Variants in ATOSA observed in about 807,000 individuals in gnomAD.
ATOSA encodes the protein atos homolog A.
At chr15:52,674,305 G>A in the ATOSA span, among the ~76,000 whole-genome samples, 1 of 152,092 alleles carries the variant, frequency 6.6e-6, no homozygotes, top group South Asian at 2.1e-4. Flanking sequence ...CCCTCCTCGG[G>A]CTCCCAAAGT....
chr15:52,702,028 A>G, the ATOSA span, among the ~76,000 whole-genome samples: 3 of 152,138 alleles, frequency 2.0e-5, no homozygotes, highest in Non-Finnish European at 4.4e-5. Flanking sequence ...CACATCACTA[A>G]TCAGAGAAAT....
chr15:52,693,861 T>C, the ATOSA span, among the ~76,000 whole-genome samples: 2 of 152,220 alleles, frequency 1.3e-5, no homozygotes, highest in African/African-American at 4.8e-5. Flanking sequence ...GAAAAACCTC[T>C]TCTAGCCTTG....
chr15:52,685,053 T>C, the ATOSA span, among the ~76,000 whole-genome samples: 6 of 152,276 alleles, frequency 3.9e-5, no homozygotes, highest in Non-Finnish European at 5.9e-5. Context: ...ATTTTTAATT[T>C]TTCAAAATGT....
At chr15:52,674,999 C>G in the ATOSA span, among the ~76,000 whole-genome samples, 1 of 152,036 alleles carries the variant, frequency 6.6e-6, no homozygotes, top group East Asian at 1.9e-4. Flanking sequence ...TCCCATTTTA[C>G]AGACAAGGAA....
chr15:52,607,657 C>G, the ATOSA span, among the ~76,000 whole-genome samples: 3 of 152,134 alleles, frequency 2.0e-5, no homozygotes, highest in Admixed American at 6.5e-5. Flanking sequence ...ACCAAGTACC[C>G]TATTAGGTTG....
the ATOSA span, among the ~76,000 whole-genome samples, chr15:52,588,572 G>A: frequency 1.3e-5 from 2 of 152,120 alleles, no homozygotes; most frequent in Non-Finnish European, 2.9e-5. Context: ...CCAAGTAGCT[G>A]GGACTACAGG....
the ATOSA span, among the ~76,000 whole-genome samples, chr15:52,674,623 G>T: frequency 6.6e-6 from 1 of 152,090 alleles, no homozygotes; most frequent in Non-Finnish European, 1.5e-5. Flanking sequence ...GTATCCTTCT[G>T]TAGCTTTTAT....
chr15:52,675,823 G>A, the ATOSA span, among the ~76,000 whole-genome samples: 4 of 151,926 alleles, frequency 2.6e-5, no homozygotes, highest in South Asian at 2.1e-4. Context: ...GGAGAATGGC[G>A]TGAACCCGGG....
chr15:52,631,615 A>G, the ATOSA span, among the ~76,000 whole-genome samples: 6 of 152,200 alleles, frequency 3.9e-5, no homozygotes, highest in African/African-American at 7.2e-5. Flanking sequence ...TCTAGAATGC[A>G]TTTTACATTT....
At chr15:52,652,380 G>C in the ATOSA span, among the ~76,000 whole-genome samples, 1 of 152,184 alleles carries the variant, frequency 6.6e-6, no homozygotes, top group East Asian at 1.9e-4. Flanking sequence ...GTTGTGGAAG[G>C]AATCAGTTAC....
At chr15:52,598,492 T>C in the ATOSA span, 1 of 152,204 alleles carries the variant, frequency 6.6e-6, no homozygotes, top group Non-Finnish European at 1.5e-5. Context: ...TAAACAAGTC[T>C]AATGTGTCAT....
At chr15:52,611,552 T>G in the ATOSA span, 9 of 1,609,640 alleles carry the variant, frequency 5.6e-6, no homozygotes, top group Admixed American at 1.2e-4. Context: ...AAGAACAACT[T>G]TGAACTACGT....
chr15:52,611,301 T>C, the ATOSA span: 8 of 1,597,058 alleles, frequency 5.0e-6, 1 homozygote, highest in Non-Finnish European at 6.8e-6. Context: ...AAGTACAAAA[T>C]GACTGAATTT....
At chr15:52,596,409 T>C in the ATOSA span, among the ~76,000 whole-genome samples, 1 of 152,190 alleles carries the variant, frequency 6.6e-6, no homozygotes, top group South Asian at 2.1e-4. Context: ...CATTACCTGA[T>C]TTCAAGACTA....
At chr15:52,659,846 G>GA in the ATOSA span, among the ~76,000 whole-genome samples, 1 of 151,326 alleles carries the variant, frequency 6.6e-6, no homozygotes, top group Admixed American at 6.6e-5. Context: ...TCTCTAAAAA[G>GA]AAAAAAATAT....
the ATOSA span, among the ~76,000 whole-genome samples, chr15:52,619,139 T>TA: frequency 6.6e-6 from 1 of 152,226 alleles, no homozygotes. Flanking sequence ...GTACAAGTGA[T>TA]ATGTGGTGAC....
At chr15:52,611,426 T>C in the ATOSA span, 1 of 1,145,356 alleles carries the variant, frequency 8.7e-7, no homozygotes, top group Admixed American at 2.7e-5. Flanking sequence ...GCAAGTACTA[T>C]ATTTACTCAT....
the ATOSA span, chr15:52,600,279 A>G: frequency 7.9e-7 from 1 of 1,264,944 alleles, no homozygotes; most frequent in South Asian, 1.3e-5. Flanking sequence ...TAGCCACAAT[A>G]CTTTTTTTTT....
At chr15:52,638,980 T>C in the ATOSA span, among the ~76,000 whole-genome samples, 1 of 151,378 alleles carries the variant, frequency 6.6e-6, no homozygotes, top group Admixed American at 6.6e-5. Context: ...TGGGAAGCAC[T>C]GATTATGAAG....
Sources: gnomAD v4.1 joint callset for allele counts (sites outside exome capture counted in the v4.1 genomes callset) on GRCh38, gnomAD v4.1.1 for gene constraint, MANE v1.5 for transcripts, NCBI Gene and HGNC (gene_info 2026-07-23, HGNC 2026-07-21) for gene names.